NBEA: variants seen among roughly 807,000 people sequenced by gnomAD.
NBEA encodes lysosomal-trafficking regulator 2.
NBEA carries 44 observed loss-of-function variants against 343.4 expected under a neutral mutation model. The ratio of observed to expected loss-of-function variants is 0.13; its 90% CI spans 0.10 to 0.16. NBEA has a LOEUF of 0.16. Among genes scored for constraint, NBEA ranks in the 10% least tolerant of loss-of-function variants. The pLI is 1.00. For missense variants in NBEA, 2,555 were observed against 3,631.3 expected (o/e 0.70, Z 7.62); for synonymous variants, 1,175 against 1,238.7 (o/e 0.95, Z 1.08).
At chr13:35,235,321 T>C (rs200280751) in intron 34 of NBEA, among the ~76,000 whole-genome samples, 1 of 152,208 alleles carries the variant, frequency 6.6e-6, no homozygotes, top group African/African-American at 2.4e-5. Context: ...GTAAACATCA[T>C]TGAAAAAACA....
chr13:35,490,520 T>C (rs1277058579), intron 41 of NBEA, among the ~76,000 whole-genome samples: 1 of 151,948 alleles, frequency 6.6e-6, no homozygotes. Context: ...CTTAATTGTA[T>C]ACCCTGACGT....
In NBEA at chr13:35,168,900, A is replaced by G. The variant is rs1031899091; in HGVS notation, c.4234-87A>G. On this transcript the variant is annotated intron_variant, in intron 24 of 58. Coordinates refer to ENST00000379939, the MANE Select transcript of NBEA (RefSeq NM_001385012.1). ...TTTAAATATATTATTTTGTGTTTCA[A>G]TTTTACATTGTATTTTCATTTAATT... is the stretch of plus-strand genomic sequence containing the variant. The G allele has an allele frequency of 1.8e-5, 17 of 956,610 alleles. No individual in the cohort carries two copies. The South Asian group carries it at 3.8e-4, about 21-fold the overall frequency. 59.3% of individuals were successfully genotyped at this position (956,610 alleles called of 1,614,324 possible).
intron 48 of NBEA, among the ~76,000 whole-genome samples, chr13:35,609,919 A>G (rs1453378606): frequency 6.6e-6 from 1 of 152,216 alleles, no homozygotes; most frequent in Non-Finnish European, 1.5e-5. Context: ...CGAAGTCATA[A>G]CAAAGATAGG....
At chr13:35,362,049 A>G (rs1025176887) in intron 38 of NBEA, among the ~76,000 whole-genome samples, 2 of 152,030 alleles carry the variant, frequency 1.3e-5, no homozygotes, top group African/African-American at 2.4e-5. Context: ...TGTAAATTTT[A>G]AAATGTTTTA....
intron 8 of NBEA, among the ~76,000 whole-genome samples, chr13:35,059,894 A>G (rs1167836473): frequency 6.6e-6 from 1 of 151,796 alleles, no homozygotes; most frequent in Non-Finnish European, 1.5e-5. Context: ...AGGTAACAAT[A>G]CTTGCTATCA....
intron 30 of NBEA, among the ~76,000 whole-genome samples, chr13:35,189,056 T>C (rs1593671031): frequency 6.6e-6 from 1 of 151,834 alleles, no homozygotes. Flanking sequence ...GTAGCTTGGA[T>C]TACAGGCACG....
At chr13:35,100,561 G>A (rs996825713) in intron 11 of NBEA, among the ~76,000 whole-genome samples, 6 of 151,920 alleles carry the variant, frequency 3.9e-5, no homozygotes, top group Admixed American at 2.6e-4. Flanking sequence ...GACTTACCCC[G>A]TTAAATAATT....
chr13:35,422,130 C>T (rs1261386113), intron 38 of NBEA, among the ~76,000 whole-genome samples: 2 of 146,946 alleles, frequency 1.4e-5, no homozygotes, highest in African/African-American at 5.0e-5. Flanking sequence ...CTTTCACATG[C>T]AGAGCATCTT....
At chr13:35,229,883 A>T (rs1001709290) in intron 33 of NBEA, among the ~76,000 whole-genome samples, 5 of 152,106 alleles carry the variant, frequency 3.3e-5, no homozygotes, top group Admixed American at 2.0e-4. Flanking sequence ...AAAAGCAACA[A>T]CAACAAAAGC....
At chr13:35,087,476 A>G (rs2064835384) in intron 10 of NBEA, among the ~76,000 whole-genome samples, 1 of 151,926 alleles carries the variant, frequency 6.6e-6, no homozygotes. Flanking sequence ...CACTATTAAC[A>G]TCATCATACA....
intron 46 of NBEA, among the ~76,000 whole-genome samples, chr13:35,587,930 A>C (rs1421449645): frequency 6.6e-6 from 1 of 151,488 alleles, no homozygotes; most frequent in African/African-American, 2.4e-5. Context: ...TGTGACTTAA[A>C]ATTTCTAGTA....
Position 35,260,975 on chromosome 13 carries a change from G to A in NBEA, c.5776+28356G>A, listed in dbSNP as rs556016383. ...AGGCCTCAAATGACCAAATTGTTTC[G>A]CCAGTAACTCAATTATGAGAACAAA... On this transcript the variant is annotated intron_variant, in intron 34 of 58. Coordinates refer to ENST00000379939, the MANE Select transcript of NBEA (RefSeq NM_001385012.1). Among the ~76,000 whole-genome samples the A allele has an allele frequency of 1.5e-4, 23 of 152,124 alleles. 1 individual carries two copies. In the South Asian group the frequency reaches 4.1e-3, roughly 27 times the overall value.
chr13:35,472,186 G>A (rs2075680589), intron 40 of NBEA, among the ~76,000 whole-genome samples: 1 of 152,036 alleles, frequency 6.6e-6, no homozygotes, highest in African/African-American at 2.4e-5. Flanking sequence ...TGACCTCCTG[G>A]GTTTTCATAC....
chr13:35,342,678 G>T (rs2256995), intron 36 of NBEA, among the ~76,000 whole-genome samples: 16,283 of 151,970 alleles, frequency 0.11, 998 homozygotes, highest in East Asian at 0.22. Flanking sequence ...TATTGTTGCA[G>T]AAGAGGCTTA....
intron 38 of NBEA, among the ~76,000 whole-genome samples, chr13:35,401,787 A>G (rs1322700471): frequency 6.6e-6 from 1 of 152,026 alleles, no homozygotes; most frequent in African/African-American, 2.4e-5. Context: ...TAGAATTAGA[A>G]AAAAACTTCC....
At position 35,118,238 on chromosome 13, in the gene NBEA, T is replaced by C; in HGVS notation, c.2093T>C (p.Val698Ala). The C allele has an allele frequency of 6.5e-7, 1 of 1,530,994 alleles. No homozygotes were observed. Among genetic ancestry groups the C allele is most frequent in the Non-Finnish European group, 8.8e-7 (1 of 1,134,978 alleles). The allele number at this position is 1,530,994 out of a possible 1,614,324, so 94.8% of individuals were successfully genotyped here. ...LKQLILKDRG[V>A]KEDELQSILN... Reference sequence around the variant, plus strand: ...TTTTTTAAAAATTAGGATCGAGGGGTCAAGGAAGATGAACTTCAGAGTATA... The same window carrying C: ...TTTTTTAAAAATTAGGATCGAGGGGCCAAGGAAGATGAACTTCAGAGTATA... The change falls in exon 15 of 59, where the codon GTC becomes GCC. Residue 698 changes from valine (V) to alanine (A), a missense_variant. By Grantham distance (64) the Val-to-Ala change is moderately conservative. This residue lies in a region of NBEA where 360 missense variants were observed against 519.1 expected (regional missense o/e 0.69). Transcript: ENST00000379939.
At chr13:35,405,608 A>T (rs781299981) in intron 38 of NBEA, among the ~76,000 whole-genome samples, 2 of 152,166 alleles carry the variant, frequency 1.3e-5, no homozygotes, top group African/African-American at 4.8e-5. Flanking sequence ...TATGAGATTT[A>T]AAAAACATTG....
chr13:35,263,892 GGTA>G (rs1476367397), intron 34 of NBEA, among the ~76,000 whole-genome samples: 2 of 151,348 alleles, frequency 1.3e-5, no homozygotes, highest in African/African-American at 2.4e-5. Flanking sequence ...TAAGCACAAA[GGTA>G]GTAGTAGCAG....
chr13:34,991,833 A>C (rs1031869647), intron 1 of NBEA, among the ~76,000 whole-genome samples: 2 of 152,220 alleles, frequency 1.3e-5, no homozygotes, highest in Admixed American at 1.3e-4. Flanking sequence ...ACTTTTAAAA[A>C]ACATGCTGGC....
Sources: allele counts gnomAD v4.1 joint callset (sites outside exome capture counted in the v4.1 genomes callset), GRCh38; gene constraint gnomAD v4.1.1; regional missense constraint gnomAD v4.1.1; transcripts MANE v1.5; gene names NCBI Gene and HGNC (gene_info 2026-07-23, HGNC 2026-07-21).